The following PPP6R3 variants were observed in gnomAD, a reference collection of about 807,000 sequenced individuals.
PPP6R3 encodes serine/threonine-protein phosphatase 6 regulatory subunit 3.
A neutral mutation model predicts 110.7 loss-of-function variants in PPP6R3; 38 were observed. The ratio of observed to expected loss-of-function variants is 0.34; its 90% CI spans 0.26 to 0.45. The LOEUF (loss-of-function observed/expected upper bound fraction) is 0.45. Among genes scored for constraint, PPP6R3 ranks in the 20% least tolerant of loss-of-function variants. The probability of loss-of-function intolerance (pLI) is 1.00; values close to 1 mark genes in which losing one functional copy is unlikely to be tolerated. For missense variants in PPP6R3, 870 were observed against 1,062.4 expected, an observed-to-expected ratio of 0.82 and a Z score of 2.52; for synonymous variants, 369 against 373.5, an observed-to-expected ratio of 0.99 and a Z score of 0.14.
chr11:68,575,456 A>AG (rs2099527097), intron 13 of PPP6R3, among the ~76,000 whole-genome samples: 1 of 152,250 alleles, frequency 6.6e-6, no homozygotes, highest in African/African-American at 2.4e-5. Flanking sequence ...AAGCCATACT[A>AG]GGTTCTGTGG....
chr11:68,508,459 C>G (rs1253847888), intron 1 of PPP6R3, among the ~76,000 whole-genome samples: 1 of 152,000 alleles, frequency 6.6e-6, no homozygotes, highest in Non-Finnish European at 1.5e-5. Flanking sequence ...AATTTAGTGT[C>G]CATATAAGAG....
intron 1 of PPP6R3, among the ~76,000 whole-genome samples, chr11:68,498,213 C>T (rs1156386162): frequency 6.6e-6 from 1 of 152,040 alleles, no homozygotes; most frequent in South Asian, 2.1e-4. Flanking sequence ...ACCAGCAGTT[C>T]CAGTCAGTTT....
intron 1 of PPP6R3, among the ~76,000 whole-genome samples, chr11:68,489,658 C>T (rs901244626): frequency 6.6e-6 from 1 of 151,004 alleles, no homozygotes; most frequent in African/African-American, 2.4e-5. Context: ...TGCATGTGCT[C>T]ACTTCATTAG....
At chr11:68,513,407 T>C (rs2153543093) in intron 1 of PPP6R3, among the ~76,000 whole-genome samples, 1 of 152,300 alleles carries the variant, frequency 6.6e-6, no homozygotes, top group East Asian at 1.9e-4. Flanking sequence ...GATAAGTGTA[T>C]GAGGCTACGT....
At chr11:68,541,742 A>C (rs2099316687) in intron 3 of PPP6R3, among the ~76,000 whole-genome samples, 1 of 152,078 alleles carries the variant, frequency 6.6e-6, no homozygotes, top group African/African-American at 2.4e-5. Flanking sequence ...CCTGGGTTCC[A>C]CTGAGGGATG....
intron 1 of PPP6R3, among the ~76,000 whole-genome samples, chr11:68,516,609 G>A (rs557477021): frequency 1.2e-4 from 19 of 152,094 alleles, no homozygotes; most frequent in Non-Finnish European, 1.2e-4. Flanking sequence ...TGGACACTTG[G>A]GTTGCTTCCA....
intron 1 of PPP6R3, among the ~76,000 whole-genome samples, chr11:68,516,277 C>T (rs1029442787): frequency 2.6e-5 from 4 of 152,154 alleles, no homozygotes; most frequent in Non-Finnish European, 5.9e-5. Context: ...CAACACGATG[C>T]CACAAGTGGA....
At position 68,583,050 on chromosome 11, in the gene PPP6R3, C is replaced by T; in HGVS notation, c.1553C>T (p.Thr518Ile). 6.5e-7 allele frequency: 1 copy of T among 1,535,062 alleles called. No homozygotes were observed. Among genetic ancestry groups the T allele is most frequent in the African/African-American group, 1.4e-5 (1 of 72,504 alleles). ...NKRNTVDLVT[T>I]CHIHSSSDDE... ...ACATTTTTATGCATATAGGTTACAA[C>T]CTGCCATATTCATTCATCCAGTGAT... The change falls in exon 15 of 24, where the codon ACC (threonine) becomes ATC (isoleucine). Residue 518 changes from threonine (T) to isoleucine (I), a missense_variant. Transcript: ENST00000393800.
chr11:68,587,753 C>CT (rs1566035349), intron 15 of PPP6R3, 174 bp from the exon 16 acceptor site: 1 of 697,716 alleles, frequency 1.4e-6, no homozygotes, highest in Non-Finnish European at 2.6e-6. Context: ...CAAACGTTTC[C>CT]TTTTTTGGCA....
chr11:68,554,196 G>C lies in PPP6R3; in HGVS notation c.670G>C (p.Asp224His). ...SLCEIVRLSR[D>H]QMLQIQNSTE... ...TTGTGAAATTGTTCGCCTGAGCAGAGACCAGATGTTACAAATTCAGAACAG... is the reference window on the plus strand; with the variant it reads ...TTGTGAAATTGTTCGCCTGAGCAGACACCAGATGTTACAAATTCAGAACAG... Residue 224 changes from aspartate to histidine, a missense_variant, in exon 7 of 24, where the codon GAC becomes CAC. Transcript: ENST00000393800. 6.2e-7 allele frequency: 1 copy of C among 1,613,890 alleles called. No homozygotes were observed. Among genetic ancestry groups the C allele is most frequent in the Non-Finnish European group, 8.5e-7 (1 of 1,179,932 alleles).
At chr11:68,498,394 T>G (rs946534879) in intron 1 of PPP6R3, among the ~76,000 whole-genome samples, 2 of 152,192 alleles carry the variant, frequency 1.3e-5, no homozygotes, top group Non-Finnish European at 2.9e-5. Flanking sequence ...TATTACTATT[T>G]AAAAACTCTA....
rs566406137 is a variant in PPP6R3 at position 68,559,238 on chromosome 11, C to A, written c.845+559C>A. Among the ~76,000 whole-genome samples the A allele has an allele frequency of 1.1e-4, 16 of 152,348 alleles. No individual in the cohort carries two copies. In the South Asian group the frequency reaches 1.7e-3, roughly 16 times the overall value. On this transcript the variant is annotated intron_variant, in intron 8 of 23. Coordinates refer to ENST00000393800, the MANE Select transcript of PPP6R3 (RefSeq NM_001164161.2). Reference sequence around the variant, plus strand: ...AAATTTCTTCTACATGTTTTATAATCAAAAATAAAGTCTTGCTTTTCACAT... The same window carrying A: ...AAATTTCTTCTACATGTTTTATAATAAAAAATAAAGTCTTGCTTTTCACAT...
intron 3 of PPP6R3, among the ~76,000 whole-genome samples, chr11:68,544,135 G>T (rs1565730291): frequency 1.3e-5 from 2 of 152,144 alleles, no homozygotes; most frequent in Non-Finnish European, 2.9e-5. Flanking sequence ...TCTCACTCTT[G>T]CCCAGGCTGG....
At chr11:68,546,049 G>T (rs1317084555) in intron 4 of PPP6R3, among the ~76,000 whole-genome samples, 1 of 152,230 alleles carries the variant, frequency 6.6e-6, no homozygotes, top group Non-Finnish European at 1.5e-5. Flanking sequence ...TTTGGGCCCA[G>T]TGTGTCCTGT....
intron 1 of PPP6R3, among the ~76,000 whole-genome samples, chr11:68,513,901 G>T (rs1404759726): frequency 6.6e-6 from 1 of 152,178 alleles, no homozygotes; most frequent in African/African-American, 2.4e-5. Flanking sequence ...CTGCATTTGT[G>T]AAAGATAAAA....
intron 2 of PPP6R3, among the ~76,000 whole-genome samples, chr11:68,520,081 A>G (rs1235634486): frequency 6.6e-6 from 1 of 152,198 alleles, no homozygotes; most frequent in Admixed American, 6.5e-5. Flanking sequence ...CCTAATCTCC[A>G]TCACTTTAGA....
chr11:68,564,239 G>A, intron 8 of PPP6R3, 64 bp from the exon 9 acceptor site: 1 of 1,474,902 alleles, frequency 6.8e-7, no homozygotes, highest in Non-Finnish European at 9.3e-7. Flanking sequence ...GACATACATG[G>A]TCGATAACCT....
At chr11:68,603,563 T>G in intron 22 of PPP6R3, 71 bp downstream of exon 22, 1 of 1,561,206 alleles carries the variant, frequency 6.4e-7, no homozygotes, top group Non-Finnish European at 8.8e-7. Context: ...ACCTCAAACA[T>G]TAAAATTTTT....
In PPP6R3 at chr11:68,466,499, C is replaced by T. The variant is rs1015433017; in HGVS notation, c.-158+5672C>T. On this transcript the variant is annotated intron_variant, in intron 1 of 23. Transcript: ENST00000393800. ...TGTCACCCAGGCTGGAGTGCAGTGG[C>T]GTGGTCTCGGCTCACTGCCAGCTCT... Among the ~76,000 whole-genome samples the T allele has an allele frequency of 2.8e-5, 4 of 143,812 alleles. No homozygotes were observed. In the East Asian group the frequency reaches 6.1e-4, roughly 22 times the overall value. The allele number at this position is 143,812 out of a possible 152,430, so 94.3% of individuals were successfully genotyped here.
Sources: gnomAD v4.1 joint callset for allele counts (sites outside exome capture counted in the v4.1 genomes callset) on GRCh38, gnomAD v4.1.1 for gene constraint, MANE v1.5 for transcripts, NCBI Gene and HGNC (gene_info 2026-07-23, HGNC 2026-07-21) for gene names.